Variants in SLC9A3 observed in about 807,000 individuals in gnomAD.
SLC9A3 encodes sodium/hydrogen exchanger 3.
Under a neutral mutation model 86.8 loss-of-function variants are expected in SLC9A3, and 37 were observed. That is an observed-to-expected ratio of 0.43 (90% CI 0.33 to 0.56). SLC9A3 has a LOEUF of 0.56. Ranked by LOEUF, SLC9A3 falls within the 20% of genes least tolerant of loss-of-function variation. SLC9A3 has a pLI of 0.06. For synonymous variants in SLC9A3, 581 were observed against 528.3 expected (o/e 1.10, Z -1.37); for missense variants, 1,011 against 1,171.9 (o/e 0.86, Z 2.00).
intron 10 of SLC9A3, 145 bp downstream of exon 10, chr5:479,691 G>A: frequency 2.8e-6 from 2 of 713,122 alleles, no homozygotes; most frequent in Non-Finnish European, 4.7e-6. Flanking sequence ...GGCATCAGAA[G>A]GCCCATCAGC....
Position 502,807 on chromosome 5 carries a change from C to T in SLC9A3, c.212-10736G>A, listed in dbSNP as rs570317988. 1.8e-3 allele frequency among the ~76,000 whole-genome samples: 278 copies of T among 150,886 alleles called. 1 individual carries two copies. The highest frequency in any genetic ancestry group is 2.8e-3 in the Non-Finnish European group (187 of 67,900). On this transcript the variant is annotated intron_variant, in intron 1 of 16. Coordinates refer to ENST00000264938, the MANE Select transcript of SLC9A3 (RefSeq NM_004174.4). ...TCACTACCAGTGAGGCCGAAAGCCG[C>T]TGTAACGACACAGACGGGCGCCGAA...
rs1278905223 is a variant in SLC9A3, at chr5:496,180, C to T, written c.212-4109G>A. Among the ~76,000 whole-genome samples, 1 of 152,254 alleles carries T rather than the reference C, an allele frequency of 6.6e-6. No individual in the cohort carries two copies. Among genetic ancestry groups the T allele is most frequent in the African/African-American group, 2.4e-5 (1 of 41,470 alleles). On this transcript the variant is annotated intron_variant, in intron 1 of 16. Transcript: ENST00000264938. This position sits in a 1 kb window ranked among gnomAD's most constrained non-coding sequence, Gnocchi z 4.7. ...AGGGCGGCGGTTTGGAACATTCTGC[C>T]ATCCGGGGTTGGAAAGGGTGTTGGA...
intron 1 of SLC9A3, among the ~76,000 whole-genome samples, chr5:516,439 A>T (rs996694460): frequency 2.0e-5 from 3 of 152,146 alleles, no homozygotes; most frequent in African/African-American, 7.2e-5. Context: ...TGCTAAGGGT[A>T]TTGGCTGCCT....
intron 1 of SLC9A3, among the ~76,000 whole-genome samples, chr5:504,471 A>G (rs1740452801): frequency 6.6e-6 from 1 of 152,026 alleles, no homozygotes. Flanking sequence ...TCGGGAGAGA[A>G]CTCCACAGCC....
At chr5:481,454 C>G in intron 9 of SLC9A3, 111 bp downstream of exon 9, 1 of 954,528 alleles carries the variant, frequency 1.0e-6, no homozygotes, top group Admixed American at 1.7e-5. Flanking sequence ...GAGCCCTGAC[C>G]AAGCCTGGAC....
chr5:477,082 G>A lies in SLC9A3; in HGVS notation c.1760+250C>T, dbSNP rs1738792507. ...CCAGGACAGGCTGCTGCGGGCCAGG[G>A]GCAAACACGTCAGGCCTGGCCCCCA... On this transcript the variant is annotated intron_variant, in intron 11 of 16. Transcript: ENST00000264938. The A allele has an allele frequency of 9.7e-6, 5 of 514,706 alleles. No homozygotes were observed. The East Asian group carries it at 1.6e-4, about 16-fold the overall frequency. The allele number at this position is 514,706 out of a possible 1,614,324, so 31.9% of individuals were successfully genotyped here. A position where few individuals can be genotyped will look rare whatever the true frequency, so the allele number is the denominator to read the frequency against.
intron 1 of SLC9A3, among the ~76,000 whole-genome samples, chr5:512,930 C>A (rs944425031): frequency 6.6e-6 from 1 of 152,048 alleles, no homozygotes; most frequent in Non-Finnish European, 1.5e-5. Context: ...CACTACTGTC[C>A]GGCGTCACCA....
chr5:473,685 C>A (rs1381975256), intron 16 of SLC9A3, among the ~76,000 whole-genome samples: 1 of 152,192 alleles, frequency 6.6e-6, no homozygotes, highest in African/African-American at 2.4e-5. Context: ...AGGTCAAGGT[C>A]CCCAAGGGGA....
At chr5:484,842 C>T (rs1739391061) in intron 4 of SLC9A3, 145 bp from the exon 5 acceptor site, 1 of 792,046 alleles carries the variant, frequency 1.3e-6, no homozygotes, top group Non-Finnish European at 2.0e-6. Flanking sequence ...CTGGTCTCAG[C>T]ACCAGCCTTG....
Position 480,114 on chromosome 5 carries a change from C to T in SLC9A3, c.1518-149G>A, listed in dbSNP as rs377277521. The stretch of plus-strand genomic sequence containing the variant: ...AATGAGGGAAGCAGCCCCTGCCACA[C>T]GCCCAGGCCGTCCGCCGTTCTCCCG... On this transcript the variant is annotated intron_variant, in intron 9 of 16. Transcript: ENST00000264938. 6.9e-4 allele frequency: 541 copies of T among 788,904 alleles called. 5 individuals are homozygous for T. The South Asian group carries it at 8.2e-3, about 12-fold the overall frequency. The allele number at this position is 788,904 out of a possible 1,614,324, so 48.9% of individuals were successfully genotyped here. A position where few individuals can be genotyped will look rare whatever the true frequency, so the allele number is the denominator to read the frequency against.
chr5:498,933 T>TG (rs897408437), intron 1 of SLC9A3, among the ~76,000 whole-genome samples: 2 of 151,962 alleles, frequency 1.3e-5, no homozygotes, highest in Admixed American at 6.6e-5. Context: ...CCAGCCAGGG[T>TG]GGGGGGTCTC....
At chr5:483,130 C>G (rs1278649452) in intron 6 of SLC9A3, 132 bp downstream of exon 6, 1 of 720,218 alleles carries the variant, frequency 1.4e-6, no homozygotes, top group African/African-American at 1.8e-5. Context: ...AGGCCGCCAC[C>G]ATCAGGTCCT....
chr5:476,654 A>G lies in SLC9A3; in HGVS notation c.1779T>C (p.Ala593=). ...CCAGAGACTGCATGTCCAGGCAGAC[A>G]GCGCTGACATTTTCTCTCCTGCGTG... ...VSYLLRENVS[A]VCLDMQSLEQ... Residue 593 remains alanine (A), a synonymous_variant, in exon 12 of 17, where the codon GCT becomes GCC. Transcript: ENST00000264938. The G allele has an allele frequency of 6.2e-7, 1 of 1,606,410 alleles. No individual in the cohort carries two copies. Among genetic ancestry groups the G allele is most frequent in the Non-Finnish European group, 8.5e-7 (1 of 1,179,848 alleles).
chr5:476,995 A>G lies in SLC9A3; in HGVS notation c.1761-323T>C, dbSNP rs1579765413. ...GCACATCTGGCAGAGTGGACCTCCT[A>G]TGAGAACTGGCTGTGAGCTGTGGAG... On this transcript the variant is annotated intron_variant, in intron 11 of 16. Coordinates refer to ENST00000264938, the MANE Select transcript of SLC9A3 (RefSeq NM_004174.4). 4.3e-5 allele frequency: 22 copies of G among 509,058 alleles called. No individual in the cohort carries two copies. The East Asian group carries it at 4.4e-4, about 10-fold the overall frequency. The allele number at this position is 509,058 out of a possible 1,614,324, so 31.5% of individuals were successfully genotyped here.
chr5:494,271 G>C (rs1039924105), intron 1 of SLC9A3, among the ~76,000 whole-genome samples: 2 of 152,270 alleles, frequency 1.3e-5, no homozygotes, highest in African/African-American at 4.8e-5. Flanking sequence ...AGCCCAGCAG[G>C]AAAACAGGGG....
chr5:508,012 G>T (rs1040856556), intron 1 of SLC9A3, among the ~76,000 whole-genome samples: 1 of 147,810 alleles, frequency 6.8e-6, no homozygotes, highest in Non-Finnish European at 1.5e-5. Context: ...GAATCTCCCC[G>T]CTACACCCAA....
intron 15 of SLC9A3, 153 bp from the exon 16 acceptor site, chr5:475,285 CA>C: frequency 1.3e-6 from 1 of 751,510 alleles, no homozygotes; most frequent in Non-Finnish European, 2.1e-6. Flanking sequence ...GCCCTTCCCC[CA>C]CATCCATGAC....
chr5:517,681 TCCATCCATCCAC>T (rs1389638285), intron 1 of SLC9A3, among the ~76,000 whole-genome samples: 1 of 150,560 alleles, frequency 6.6e-6, no homozygotes, highest in African/African-American at 2.5e-5. Context: ...TATCCATCCA[TCCATCCATCCAC>T]CCATCCATCC....
rs1250555587 is a variant in SLC9A3 at position 472,314 on chromosome 5, C to T, written c.*1065G>A. 2 of 338,312 alleles carry T rather than the reference C, an allele frequency of 5.9e-6. No individual in the cohort carries two copies. Among genetic ancestry groups the T allele is most frequent in the East Asian group, 1.6e-4 (2 of 12,370 alleles). The allele number at this position is 338,312 out of a possible 1,614,324, so 21.0% of individuals were successfully genotyped here. A position where few individuals can be genotyped will look rare whatever the true frequency, so the allele number is the denominator to read the frequency against. On this transcript the variant is annotated 3_prime_UTR_variant, in exon 17 of 17. Transcript: ENST00000264938. ...ACAGGCTCAGGGGTCTCAGCAGGTT[C>T]TCCTTGGAGGGCCTGAGCCTGGTAG... is the stretch of plus-strand genomic sequence containing the variant.
Sources: allele counts gnomAD v4.1 joint callset (sites outside exome capture counted in the v4.1 genomes callset), GRCh38; gene constraint gnomAD v4.1.1; non-coding constraint Gnocchi (gnomAD v3.1); transcripts MANE v1.5; gene names NCBI Gene and HGNC (gene_info 2026-07-23, HGNC 2026-07-21).